SLC35E1: variants seen among roughly 807,000 people sequenced by gnomAD.
The protein encoded by SLC35E1 is solute carrier family 35, member E1.
A neutral mutation model predicts 31.0 loss-of-function variants in SLC35E1; 12 were observed. The observed-to-expected ratio is 0.39, with a 90% CI of 0.25 to 0.63. The LOEUF is 0.63. Ranked by LOEUF, SLC35E1 falls within the 20% of genes least tolerant of loss-of-function variation. SLC35E1 has a pLI of 0.52. For missense variants in SLC35E1, 429 were observed against 572.2 expected (o/e 0.75, Z 2.55); for synonymous variants, 257 against 264.1 (o/e 0.97, Z 0.26).
chr19:16,570,872 G>A (rs530854209), intron 2 of SLC35E1, among the ~76,000 whole-genome samples: 3 of 152,180 alleles, frequency 2.0e-5, no homozygotes, highest in African/African-American at 7.2e-5. Context: ...TGAGGCGGAC[G>A]GATCACTTGA....
chr19:16,566,700 G>A (rs2085934322), intron 3 of SLC35E1, 43 bp from the exon 4 acceptor site: 3 of 1,583,214 alleles, frequency 1.9e-6, no homozygotes, highest in South Asian at 1.1e-5. Flanking sequence ...AAAACTATAT[G>A]TGGCAAAAAG....
At chr19:16,558,034 GT>G (rs960125537) in intron 4 of SLC35E1, among the ~76,000 whole-genome samples, 5 of 147,746 alleles carry the variant, frequency 3.4e-5, no homozygotes, top group Non-Finnish European at 6.0e-5. Flanking sequence ...GGATGGTGAA[GT>G]TTTTTTTTTG....
At chr19:16,571,016 T>A (rs1171757617) in intron 2 of SLC35E1, among the ~76,000 whole-genome samples, 1 of 151,172 alleles carries the variant, frequency 6.6e-6, no homozygotes, top group East Asian at 1.9e-4. Flanking sequence ...GAGAACTGCT[T>A]GAACCTGGGA....
At position 16,572,002 on chromosome 19, in the gene SLC35E1, G is replaced by C. The variant is rs2085961744; in HGVS notation, c.363C>G (p.Phe121Leu). 4 of 1,546,918 alleles carry C rather than the reference G, an allele frequency of 2.6e-6. No individual in the cohort carries two copies. In the East Asian group the frequency reaches 9.9e-5, roughly 38 times the overall value. ...TGCTGACGTGCGCTGACACGGACGCGAAGTACTTGCCGAAGGCGAGCGGTA... is the reference window on the plus strand; with the variant it reads ...TGCTGACGTGCGCTGACACGGACGCCAAGTACTTGCCGAAGGCGAGCGGTA... ...YVLPLAFGKY[F>L]ASVSAHVSIW... The change falls in exon 1 of 6, where the codon TTC (phenylalanine) becomes TTG (leucine). Residue 121 changes from phenylalanine to leucine, a missense_variant. Physicochemically the swap from Phe to Leu is conservative, Grantham distance 22. Transcript: ENST00000595753. The surrounding 1 kb of genome is among the most constrained non-coding windows in gnomAD (Gnocchi z 4.1).
chr19:16,557,036 G>T, intron 4 of SLC35E1: 1 of 469,878 alleles, frequency 2.1e-6, no homozygotes, highest in Non-Finnish European at 4.4e-6. Context: ...TCTCCCAGGG[G>T]TCGCTCCCTA....
intron 4 of SLC35E1, among the ~76,000 whole-genome samples, chr19:16,559,687 T>C (rs1458522023): frequency 6.6e-6 from 1 of 152,170 alleles, no homozygotes; most frequent in African/African-American, 2.4e-5. Context: ...GGTTCTTCAC[T>C]CTATCTTCTA....
Position 16,572,045 on chromosome 19 carries a change from A to G in SLC35E1, c.320T>C (p.Phe107Ser), listed in dbSNP as rs1465301555. ...PSSGPLLPPR[F>S]YPRYVLPLAF... Reference sequence around the variant, plus strand: ...GAGCGGTAGCACGTAGCGCGGGTAGAAGCGCGGCGGCAGCAGCGGGCCGGA... The same window carrying G: ...GAGCGGTAGCACGTAGCGCGGGTAGGAGCGCGGCGGCAGCAGCGGGCCGGA... The change falls in exon 1 of 6, where the codon TTC (phenylalanine) becomes TCC (serine). Residue 107 changes from phenylalanine to serine, a missense_variant. By Grantham distance (155) the Phe-to-Ser change is radical. Coordinates refer to ENST00000595753, the MANE Select transcript of SLC35E1 (RefSeq NM_024881.5). The surrounding 1 kb of genome is among the most constrained non-coding windows in gnomAD (Gnocchi z 4.1). The G allele has an allele frequency of 6.5e-7, 1 of 1,540,548 alleles. No individual in the cohort carries two copies. The highest frequency in any genetic ancestry group is 1.2e-5 in the South Asian group (1 of 83,624).
At chr19:16,559,987 A>G (rs1268010420) in intron 4 of SLC35E1, among the ~76,000 whole-genome samples, 2 of 152,208 alleles carry the variant, frequency 1.3e-5, no homozygotes, top group Non-Finnish European at 2.9e-5. Flanking sequence ...TTCAGGCTGC[A>G]GGCTTGACCA....
chr19:16,559,528 G>C (rs926628611), intron 4 of SLC35E1, among the ~76,000 whole-genome samples: 2 of 149,228 alleles, frequency 1.3e-5, no homozygotes, highest in African/African-American at 5.0e-5. Flanking sequence ...TGGTGTGAAC[G>C]TGTAGTCCCA....
chr19:16,567,784 C>A lies in SLC35E1; in HGVS notation c.630+248G>T, dbSNP rs1041352377. ...GGTCAGGCTGGTGTTGAACTCCTGG[C>A]CTCAAGTGAACCGCCCGCCTTGGCC... is the stretch of plus-strand genomic sequence containing the variant. On this transcript the variant is annotated intron_variant, in intron 3 of 5. Transcript: ENST00000595753. Among the ~76,000 whole-genome samples, 3 of 152,106 alleles carry A rather than the reference C, an allele frequency of 2.0e-5. No individual in the cohort carries two copies. The East Asian group carries it at 5.8e-4, about 29-fold the overall frequency.
intron 2 of SLC35E1, among the ~76,000 whole-genome samples, chr19:16,569,316 C>T (rs1031488770): frequency 6.6e-6 from 1 of 152,218 alleles, no homozygotes; most frequent in Non-Finnish European, 1.5e-5. Flanking sequence ...GGCCACCGTG[C>T]CCAGCCTCTC....
intron 1 of SLC35E1, 27 bp downstream of exon 1, chr19:16,571,917 G>A: frequency 2.0e-6 from 3 of 1,526,168 alleles, no homozygotes; most frequent in Non-Finnish European, 2.6e-6. Flanking sequence ...CCCGGCCGCC[G>A]CCCCCGAGGC....
rs759736133 is a variant in SLC35E1 at position 16,571,503 on chromosome 19, C to A, written c.492+9G>T. On this transcript the variant is annotated intron_variant, in intron 2 of 5. Transcript: ENST00000595753. ...CTCCCATCTGCCCAGAGTCCCTGCCCGGGGTTACCTTGGTGCTCTGCTTCT... is the reference window on the plus strand; with the variant it reads ...CTCCCATCTGCCCAGAGTCCCTGCCAGGGGTTACCTTGGTGCTCTGCTTCT... The A allele has an allele frequency of 6.2e-7, 1 of 1,613,724 alleles. No individual in the cohort carries two copies. The highest frequency in any genetic ancestry group is 2.2e-5 in the East Asian group (1 of 44,868).
Position 16,572,129 on chromosome 19 carries a change from G to C in SLC35E1, c.236C>G (p.Ala79Gly), listed in dbSNP as rs2085962990. 2 of 1,511,406 alleles carry C rather than the reference G, an allele frequency of 1.3e-6. No individual in the cohort carries two copies. The highest frequency in any genetic ancestry group is 1.8e-6 in the Non-Finnish European group (2 of 1,130,512). The allele number at this position is 1,511,406 out of a possible 1,614,324, so 93.6% of individuals were successfully genotyped here. Reference sequence around the variant, plus strand: ...GGGCGGCGCGGGGGGCACGCGCCAGGCGCGCAGCAGCGGCGGGAGCCCAGC... The same window carrying C: ...GGGCGGCGCGGGGGGCACGCGCCAGCCGCGCAGCAGCGGCGGGAGCCCAGC... ...LCAGLPPLLR[A>G]WRVPPAPPVS... The change falls in exon 1 of 6, where the codon GCC becomes GGC. Residue 79 changes from alanine (A) to glycine (G), a missense_variant. Ala to Gly is a moderately conservative substitution (Grantham distance 60). Transcript: ENST00000595753. The surrounding 1 kb of genome is among the most constrained non-coding windows in gnomAD (Gnocchi z 4.1).
At chr19:16,570,157 G>GCC (rs1187160873) in intron 2 of SLC35E1, among the ~76,000 whole-genome samples, 1 of 152,184 alleles carries the variant, frequency 6.6e-6, no homozygotes, top group Non-Finnish European at 1.5e-5. Flanking sequence ...CCGGCTCCTT[G>GCC]CCCAAGCTGG....
At chr19:16,566,339 A>G (rs2122344894) in intron 4 of SLC35E1, 193 bp downstream of exon 4, 1 of 679,138 alleles carries the variant, frequency 1.5e-6, no homozygotes, top group Non-Finnish European at 2.4e-6. Context: ...AGAAGGAAAT[A>G]CACAGGAAAC....
In SLC35E1 at chr19:16,553,658, T is replaced by C; in HGVS notation, c.*21A>G. On this transcript the variant is annotated 3_prime_UTR_variant, in exon 6 of 6. Transcript: ENST00000595753. ...GGGCCGGGGAAGGAGTCACCAACAG[T>C]CTGGTCCTGTCCTTTGGACTCTACA... 2 of 1,463,092 alleles carry C rather than the reference T, an allele frequency of 1.4e-6. No individual in the cohort carries two copies. The highest frequency in any genetic ancestry group is 1.8e-6 in the Non-Finnish European group (2 of 1,097,718). 90.6% of individuals were successfully genotyped at this position (1,463,092 alleles called of 1,614,324 possible). A position where few individuals can be genotyped will look rare whatever the true frequency, so the allele number is the denominator to read the frequency against.
intron 4 of SLC35E1, among the ~76,000 whole-genome samples, chr19:16,561,550 C>A (rs1362291491): frequency 1.3e-5 from 2 of 152,280 alleles, no homozygotes; most frequent in African/African-American, 2.4e-5. Context: ...TGAAACCAGG[C>A]CACCTGCTCC....
chr19:16,572,356 C>A lies in SLC35E1; in HGVS notation c.9G>T (p.Ala3=). The A allele has an allele frequency of 1.9e-6, 2 of 1,026,500 alleles. No homozygotes were observed. The highest frequency in any genetic ancestry group is 2.3e-6 in the Non-Finnish European group (2 of 854,522). The allele number at this position is 1,026,500 out of a possible 1,614,324, so 63.6% of individuals were successfully genotyped here. A position where few individuals can be genotyped will look rare whatever the true frequency, so the allele number is the denominator to read the frequency against. MA[A]AAVGAGHGAG... is the part of the protein sequence containing the mutation. Reference sequence around the variant, plus strand: ...CGCCGTGGCCCGCGCCCACCGCGGCCGCCGCCATCCTGCCCGAGCGGCCGC... The same window carrying A: ...CGCCGTGGCCCGCGCCCACCGCGGCAGCCGCCATCCTGCCCGAGCGGCCGC... Residue 3 remains alanine (A), a synonymous_variant, in exon 1 of 6, where the codon GCG becomes GCT. Transcript: ENST00000595753. The surrounding 1 kb of genome is among the most constrained non-coding windows in gnomAD (Gnocchi z 4.1).
Sources: gnomAD v4.1 joint callset for allele counts (sites outside exome capture counted in the v4.1 genomes callset) on GRCh38, gnomAD v4.1.1 for gene constraint, Gnocchi (gnomAD v3.1) non-coding constraint, MANE v1.5 for transcripts, NCBI Gene and HGNC (gene_info 2026-07-23, HGNC 2026-07-21) for gene names.